GALNT13: variants seen among roughly 807,000 people sequenced by gnomAD.
GALNT13 encodes the protein polypeptide N-acetylgalactosaminyltransferase 13, also known as UDP-GalNAc:polypeptide N-acetylgalactosaminyltransferase 13.
Under a neutral mutation model 64.2 loss-of-function variants are expected in GALNT13, and 28 were observed. That is an observed-to-expected ratio of 0.44 (90% CI 0.32 to 0.60). The LOEUF (loss-of-function observed/expected upper bound fraction) is 0.60, where lower values mean the gene tolerates loss of function less well. GALNT13 is among the 20% of genes least tolerant of loss of function. The pLI is 0.05. For synonymous variants in GALNT13, 214 were observed against 224.6 expected (o/e 0.95, Z 0.42); for missense variants, 577 against 669.8 (o/e 0.86, Z 1.53).
At chr2:154,236,251 G>A (rs2105857626) in intron 4 of GALNT13, 1 of 770,072 alleles carries the variant, frequency 1.3e-6, no homozygotes. Flanking sequence ...ATTTTAAAAT[G>A]TTGGCATAAG....
the GALNT13 span, among the ~76,000 whole-genome samples, chr2:153,543,866 T>C: frequency 2.6e-5 from 4 of 152,204 alleles, no homozygotes; most frequent in African/African-American, 9.7e-5. Context: ...TCTCTATTTA[T>C]AGCAGGAAAG....
chr2:154,303,349 T>C (rs1425715203), intron 9 of GALNT13, among the ~76,000 whole-genome samples: 5 of 152,032 alleles, frequency 3.3e-5, no homozygotes, highest in African/African-American at 1.2e-4. Flanking sequence ...GCGGGAAGGC[T>C]GGCCACCCCA....
At chr2:154,434,783 A>T (rs1700872281) in intron 11 of GALNT13, among the ~76,000 whole-genome samples, 1 of 152,212 alleles carries the variant, frequency 6.6e-6, no homozygotes. Context: ...ACTATAAATT[A>T]CTAAATCCAT....
chr2:153,479,006 T>G, the GALNT13 span, among the ~76,000 whole-genome samples: 3 of 152,368 alleles, frequency 2.0e-5, no homozygotes, highest in South Asian at 2.1e-4. Context: ...ATTGCTTGCT[T>G]CTTTTGCAAA....
the GALNT13 span, among the ~76,000 whole-genome samples, chr2:153,783,091 T>G: frequency 1.3e-5 from 2 of 152,188 alleles, no homozygotes; most frequent in South Asian, 4.1e-4. Context: ...AGTGAATTCA[T>G]CCAAAGTGCT....
chr2:153,414,419 C>CT, the GALNT13 span, among the ~76,000 whole-genome samples: 3 of 150,318 alleles, frequency 2.0e-5, no homozygotes, highest in African/African-American at 7.3e-5. Context: ...TTACAGTGTC[C>CT]TTTTAAATTA....
chr2:154,274,581 T>A (rs981873205), intron 8 of GALNT13, among the ~76,000 whole-genome samples: 1 of 152,112 alleles, frequency 6.6e-6, no homozygotes, highest in Non-Finnish European at 1.5e-5. Context: ...CATTTCTCCT[T>A]GCTGCTGCCA....
At chr2:153,824,905 GT>G in the GALNT13 span, among the ~76,000 whole-genome samples, 1 of 152,112 alleles carries the variant, frequency 6.6e-6, no homozygotes, top group Non-Finnish European at 1.5e-5. Context: ...ATGATTGAAA[GT>G]TTCCTGAGGT....
the GALNT13 span, among the ~76,000 whole-genome samples, chr2:153,782,150 A>G: frequency 6.6e-6 from 1 of 152,214 alleles, no homozygotes; most frequent in African/African-American, 2.4e-5. Context: ...TTACTGAGGT[A>G]CAGTCATATA....
At chr2:154,136,735 C>T (rs1046740236) in intron 3 of GALNT13, among the ~76,000 whole-genome samples, 16 of 152,006 alleles carry the variant, frequency 1.1e-4, no homozygotes, top group Non-Finnish European at 1.9e-4. Flanking sequence ...TTGAGTCAAA[C>T]TAATTATTTT....
the GALNT13 span, among the ~76,000 whole-genome samples, chr2:153,679,198 T>A: frequency 4.6e-5 from 7 of 151,944 alleles, no homozygotes; most frequent in Admixed American, 1.3e-4. Flanking sequence ...TTCTAGAAAA[T>A]ACCAGATACA....
chr2:153,710,685 C>T, the GALNT13 span, among the ~76,000 whole-genome samples: 1 of 152,004 alleles, frequency 6.6e-6, no homozygotes, highest in African/African-American at 2.4e-5. Context: ...TACAACCATC[C>T]AACAATCCTT....
the GALNT13 span, among the ~76,000 whole-genome samples, chr2:153,511,005 T>TA: frequency 6.6e-6 from 1 of 151,856 alleles, no homozygotes; most frequent in Admixed American, 6.6e-5. Flanking sequence ...ACCTAGGAGT[T>TA]ACAAGAGGGA....
At chr2:153,492,992 A>C in the GALNT13 span, among the ~76,000 whole-genome samples, 1 of 152,156 alleles carries the variant, frequency 6.6e-6, no homozygotes, top group Non-Finnish European at 1.5e-5. Flanking sequence ...CTGAATGATA[A>C]TGTGAAAACA....
the GALNT13 span, among the ~76,000 whole-genome samples, chr2:153,378,786 G>T: frequency 9.2e-5 from 14 of 152,064 alleles, no homozygotes; most frequent in African/African-American, 3.4e-4. Flanking sequence ...CTCATCCCAG[G>T]CCTCTGGTTT....
chr2:153,492,643 G>A, the GALNT13 span, among the ~76,000 whole-genome samples: 1 of 152,188 alleles, frequency 6.6e-6, no homozygotes, highest in Non-Finnish European at 1.5e-5. Context: ...ATGTTCACAT[G>A]AAAGTGCAGA....
chr2:154,143,860 CAAAAAAAAAAA>C (rs34582475), intron 4 of GALNT13, among the ~76,000 whole-genome samples: 1 of 58,904 alleles, frequency 1.7e-5, no homozygotes, highest in African/African-American at 8.9e-5. Flanking sequence ...GACTCTGTCT[CAAAAAAAAAAA>C]AAAAAAAAAA....
At chr2:154,273,024 A>T (rs535631779) in intron 8 of GALNT13, among the ~76,000 whole-genome samples, 129 of 152,300 alleles carry the variant, frequency 8.5e-4, no homozygotes, top group African/African-American at 3.1e-3. Context: ...TAATTTTAAA[A>T]TGTTTGTCAG....
chr2:153,122,764 G>T, the GALNT13 span, among the ~76,000 whole-genome samples: 1 of 152,206 alleles, frequency 6.6e-6, no homozygotes, highest in South Asian at 2.1e-4. Flanking sequence ...AGGTTCTTAT[G>T]GGGCTGGAAT....
Sources: allele counts gnomAD v4.1 joint callset (sites outside exome capture counted in the v4.1 genomes callset), GRCh38; gene constraint gnomAD v4.1.1; transcripts MANE v1.5; gene names NCBI Gene and HGNC (gene_info 2026-07-23, HGNC 2026-07-21).